PNLIPRP3: variants seen among roughly 807,000 people sequenced by gnomAD.
The protein encoded by PNLIPRP3 is pancreatic lipase-related protein 3.
Under a neutral mutation model 52.8 loss-of-function variants are expected in PNLIPRP3, and 58 were observed. The observed-to-expected ratio is 1.10, with a 90% CI of 0.89 to 1.37. PNLIPRP3 has a LOEUF of 1.37. PNLIPRP3 is among the 40% of genes most tolerant of loss of function. The pLI, the probability that PNLIPRP3 is intolerant of heterozygous loss-of-function variation, is 0.00. For missense variants in PNLIPRP3, 593 were observed against 561.6 expected (o/e 1.06, Z -0.57); for synonymous variants, 192 against 185.0 (o/e 1.04, Z -0.31).
Position 116,466,085 on chromosome 10 carries a change from A to T in PNLIPRP3, c.844A>T (p.Ser282Cys), listed in dbSNP as rs1846278623. The T allele has an allele frequency of 6.2e-7, 1 of 1,613,696 alleles. No homozygotes were observed. Among genetic ancestry groups the T allele is most frequent in the African/African-American group, 1.3e-5 (1 of 74,930 alleles). Reference protein sequence around the residue: ...ASFFDCNHARSYQFYAESILN... With the variant: ...ASFFDCNHARCYQFYAESILN... ...CTTCTTTGACTGTAACCATGCCCGA[A>T]GTTATCAATTTTATGCTGAAAGCAT... Residue 282 changes from serine (S) to cysteine (C), a missense_variant, in exon 8 of 12, where the codon AGT becomes TGT. Transcript: ENST00000369230.
intron 5 of PNLIPRP3, 51 bp downstream of exon 5, chr10:116,455,881 C>T: frequency 7.6e-7 from 1 of 1,320,726 alleles, no homozygotes; most frequent in African/African-American, 1.5e-5. Context: ...ATTGTTTACA[C>T]ACACTACCAA....
chr10:116,467,900 C>CGGA lies in PNLIPRP3; in HGVS notation c.928-1284_928-1282dup, dbSNP rs548498220. ...CAGCACTTTGGGAGGCCGAGGAAGG[C>CGGA]GGATCACTAGGTCAGGAGATCGAGA... On this transcript the variant is annotated intron_variant, in intron 8 of 11. Transcript: ENST00000369230. 3.9e-3 allele frequency among the ~76,000 whole-genome samples: 595 copies of CGGA among 151,832 alleles called. 5 individuals carry two copies. The highest frequency in any genetic ancestry group is 0.013 in the African/African-American group (552 of 41,396).
At chr10:116,444,810 T>C (rs1312701069) in intron 4 of PNLIPRP3, among the ~76,000 whole-genome samples, 2 of 152,246 alleles carry the variant, frequency 1.3e-5, no homozygotes, top group African/African-American at 4.8e-5. Context: ...GTTTCATCAA[T>C]TGTAAATCTA....
intron 1 of PNLIPRP3, among the ~76,000 whole-genome samples, chr10:116,432,662 TA>T (rs1340017455): frequency 6.6e-6 from 1 of 152,202 alleles, no homozygotes; most frequent in Admixed American, 6.5e-5. Context: ...TGGATGAAGT[TA>T]AAATGACTAG....
In PNLIPRP3 at chr10:116,461,032, C is replaced by T. The variant is rs773980851; in HGVS notation, c.632C>T (p.Ala211Val). Reference protein sequence around the residue: ...PKEVRLDPSDANFVDVIHTNA... With the variant: ...PKEVRLDPSDVNFVDVIHTNA... ...GAAGTCAGGCTAGACCCCTCGGATG[C>T]CAACTTTGTTGACGTTATTCATACA... The change falls in exon 6 of 12, where the codon GCC becomes GTC. Residue 211 changes from alanine to valine, a missense_variant. Ala to Val is a moderately conservative substitution (Grantham distance 64). Transcript: ENST00000369230. The T allele has an allele frequency of 6.2e-7, 1 of 1,613,838 alleles. No homozygotes were observed.
chr10:116,458,209 A>T (rs2133140178), intron 5 of PNLIPRP3, among the ~76,000 whole-genome samples: 1 of 152,248 alleles, frequency 6.6e-6, no homozygotes, highest in Middle Eastern at 3.4e-3. Flanking sequence ...CGCTTTTCTT[A>T]TTTGAGGAAA....
At chr10:116,450,859 T>C (rs564458513) in intron 4 of PNLIPRP3, among the ~76,000 whole-genome samples, 1 of 152,292 alleles carries the variant, frequency 6.6e-6, no homozygotes, top group South Asian at 2.1e-4. Context: ...AAAATGTTCA[T>C]ACTACCCAAA....
intron 5 of PNLIPRP3, among the ~76,000 whole-genome samples, chr10:116,456,469 T>C (rs1328264937): frequency 6.6e-6 from 1 of 152,198 alleles, no homozygotes; most frequent in Non-Finnish European, 1.5e-5. Flanking sequence ...AACTATTATA[T>C]ATCAATTTTT....
chr10:116,474,224 G>A (rs1846422520), intron 10 of PNLIPRP3, among the ~76,000 whole-genome samples: 1 of 152,178 alleles, frequency 6.6e-6, no homozygotes, highest in African/African-American at 2.4e-5. Context: ...AAATGGTGCT[G>A]GGATACCTGG....
At chr10:116,440,955 CTCAG>C (rs1479824399) in intron 2 of PNLIPRP3, among the ~76,000 whole-genome samples, 6 of 152,286 alleles carry the variant, frequency 3.9e-5, no homozygotes, top group Admixed American at 3.3e-4. Context: ...TTCATGTCTG[CTCAG>C]TCAAAGAATG....
rs1565738685 is a variant in PNLIPRP3 at position 116,428,056 on chromosome 10, C to G, written c.44C>G (p.Ser15Ter). The G allele has an allele frequency of 6.2e-7, 1 of 1,603,588 alleles. No homozygotes were observed. Among genetic ancestry groups the G allele is most frequent in the African/African-American group, 1.3e-5 (1 of 74,722 alleles). The change falls in exon 1 of 12, where the codon TCA (serine) becomes TGA (stop). Residue 15 changes from serine to a stop codon, truncating the protein, a stop_gained. Transcript: ENST00000369230. LOFTEE classifies it high-confidence loss of function. ...WIVAFLFFGT[S>*]RGKEVCYERL... ...GTTGCATTCTTGTTCTTTGGCACAT[C>G]AAGAGGTAAGATTCATAATTTATAA...
chr10:116,477,047 C>A (rs1347497505), intron 11 of PNLIPRP3, 43 bp from the exon 12 acceptor site: 1 of 1,471,024 alleles, frequency 6.8e-7, no homozygotes, highest in South Asian at 1.2e-5. Context: ...TCTTCCCTGG[C>A]ATCAGGTTAA....
rs1382223866 is a variant in PNLIPRP3, at chr10:116,477,184, G to A, written c.*31G>A. On this transcript the variant is annotated 3_prime_UTR_variant, in exon 12 of 12. Transcript: ENST00000369230. ...GATACAGTCTTGATGGATTTCTTTA[G>A]TAGGAGCAATGAAGAAAAGTGTCTC... 1 of 1,536,392 alleles carries A rather than the reference G, an allele frequency of 6.5e-7. No homozygotes were observed. Among genetic ancestry groups the A allele is most frequent in the Admixed American group, 1.7e-5 (1 of 57,158 alleles).
Position 116,461,014 on chromosome 10 carries a change from G to A in PNLIPRP3, c.614G>A (p.Arg205Lys), listed in dbSNP as rs1472732915. The A allele has an allele frequency of 4.3e-6, 7 of 1,614,066 alleles. No homozygotes were observed. Among genetic ancestry groups the A allele is most frequent in the Non-Finnish European group, 5.9e-6 (7 of 1,180,042 alleles). ...PFFHNTPKEV[R>K]LDPSDANFVD... ...TTCCACAACACTCCAAAGGAAGTCA[G>A]GCTAGACCCCTCGGATGCCAACTTT... Residue 205 changes from arginine (R) to lysine (K), a missense_variant, in exon 6 of 12, where the codon AGG becomes AAG. Physicochemically the swap from Arg to Lys is conservative, Grantham distance 26 (BLOSUM62 2). Coordinates refer to ENST00000369230, the MANE Select transcript of PNLIPRP3 (RefSeq NM_001011709.3).
At chr10:116,428,092 A>C (rs1845662681) in intron 1 of PNLIPRP3, 31 bp downstream of exon 1, 1 of 1,462,724 alleles carries the variant, frequency 6.8e-7, no homozygotes, top group Non-Finnish European at 9.5e-7. Context: ...TAAGTTCTTT[A>C]AAAATAATGA....
At chr10:116,439,902 C>T (rs1845832336) in intron 2 of PNLIPRP3, 1 of 839,028 alleles carries the variant, frequency 1.2e-6, no homozygotes, top group Non-Finnish European at 2.1e-6. Context: ...TTATCTTCCA[C>T]CTCTCAGAGC....
chr10:116,476,572 G>A, intron 10 of PNLIPRP3, 80 bp from the exon 11 acceptor site: 1 of 1,142,462 alleles, frequency 8.8e-7, no homozygotes, highest in South Asian at 1.7e-5. Flanking sequence ...CTCTTCCATA[G>A]TGCATACACA....
intron 1 of PNLIPRP3, among the ~76,000 whole-genome samples, chr10:116,430,100 A>G (rs925424282): frequency 3.9e-5 from 6 of 152,310 alleles, no homozygotes; most frequent in South Asian, 2.1e-4. Context: ...GAGTCTTAAT[A>G]GGATGAAGGT....
chr10:116,471,757 C>G lies in PNLIPRP3; in HGVS notation c.1061-11C>G, dbSNP rs761855480. On this transcript the variant is annotated splice_polypyrimidine_tract_variant and intron_variant, in intron 9 of 11. Transcript: ENST00000369230. ...TTTCTCTCCCTTTCCTTCTTGTTTC[C>G]TTATATCTAGGTTGGAGGCACAAAT... is the stretch of plus-strand genomic sequence containing the variant. The G allele has an allele frequency of 7.7e-6, 12 of 1,568,276 alleles. No homozygotes were observed. Among genetic ancestry groups the G allele is most frequent in the Non-Finnish European group, 1.1e-5 (12 of 1,140,376 alleles).
Sources: gnomAD v4.1 joint callset for allele counts (sites outside exome capture counted in the v4.1 genomes callset) on GRCh38, gnomAD v4.1.1 for gene constraint, MANE v1.5 for transcripts, NCBI Gene and HGNC (gene_info 2026-07-23, HGNC 2026-07-21) for gene names.